Variants in SRBD1 observed in about 807,000 individuals in gnomAD.
SRBD1 encodes the protein S1 RNA-binding domain-containing protein 1.
In SRBD1, 88 loss-of-function variants were observed where a neutral mutation model predicts 115.3. That is an observed-to-expected ratio of 0.76 (90% CI 0.64 to 0.91). SRBD1 has a LOEUF of 0.91. Ranked by LOEUF, SRBD1 falls within the 40% of genes least tolerant of loss-of-function variation. The pLI is 0.00. For synonymous variants in SRBD1, 509 were observed against 407.7 expected (o/e 1.25, Z -2.99); for missense variants, 1,385 against 1,177.4 (o/e 1.18, Z -2.58).
intron 3 of SRBD1, among the ~76,000 whole-genome samples, chr2:45,600,238 T>C (rs1674050776): frequency 6.6e-6 from 1 of 152,126 alleles, no homozygotes; most frequent in Non-Finnish European, 1.5e-5. Context: ...GAAATCTAAA[T>C]AAGATCAGTG....
intron 3 of SRBD1, among the ~76,000 whole-genome samples, chr2:45,600,672 G>C (rs960480654): frequency 6.6e-6 from 1 of 152,246 alleles, no homozygotes; most frequent in South Asian, 2.1e-4. Context: ...CCCAATCCAA[G>C]TGACAGCTCA....
At chr2:45,428,910 AAAG>A (rs1668243808) in intron 16 of SRBD1, among the ~76,000 whole-genome samples, 2 of 152,110 alleles carry the variant, frequency 1.3e-5, no homozygotes, top group Admixed American at 6.5e-5. Context: ...GACTGCTAAT[AAAG>A]AAGAACAGAG....
chr2:45,594,918 T>C (rs1458918760), intron 4 of SRBD1, among the ~76,000 whole-genome samples: 1 of 152,250 alleles, frequency 6.6e-6, no homozygotes, highest in East Asian at 1.9e-4. Flanking sequence ...ACAAAAAGAC[T>C]GAAGTAACTT....
At chr2:45,590,358 G>C (rs1242990289) in intron 4 of SRBD1, among the ~76,000 whole-genome samples, 2 of 152,124 alleles carry the variant, frequency 1.3e-5, no homozygotes, top group African/African-American at 4.8e-5. Flanking sequence ...TTCCTGCCTG[G>C]GGACTAGACT....
chr2:45,482,826 G>A (rs1425377937), intron 15 of SRBD1, among the ~76,000 whole-genome samples: 2 of 151,922 alleles, frequency 1.3e-5, no homozygotes, highest in Non-Finnish European at 2.9e-5. Context: ...TATATAAAAT[G>A]GAGTACCATT....
chr2:45,456,473 T>A (rs1282285907), intron 16 of SRBD1, among the ~76,000 whole-genome samples: 1 of 151,908 alleles, frequency 6.6e-6, no homozygotes, highest in Non-Finnish European at 1.5e-5. Flanking sequence ...TGTCAAATGT[T>A]TATTCAGAAT....
intron 4 of SRBD1, among the ~76,000 whole-genome samples, chr2:45,596,266 A>C (rs1673891290): frequency 6.6e-6 from 1 of 152,116 alleles, no homozygotes; most frequent in East Asian, 1.9e-4. Context: ...GTCCCTCCTC[A>C]TTCTATTCAG....
At chr2:45,430,928 G>A (rs950665264) in intron 16 of SRBD1, among the ~76,000 whole-genome samples, 4 of 151,988 alleles carry the variant, frequency 2.6e-5, no homozygotes, top group Admixed American at 1.3e-4. Context: ...AATCTACAAC[G>A]AACTTAAACA....
chr2:45,461,150 T>C (rs1236147681), intron 16 of SRBD1, among the ~76,000 whole-genome samples: 1 of 152,172 alleles, frequency 6.6e-6, no homozygotes, highest in Non-Finnish European at 1.5e-5. Flanking sequence ...GACACAATTT[T>C]TAGAGTAAAT....
intron 7 of SRBD1, among the ~76,000 whole-genome samples, chr2:45,576,964 A>T (rs1673197813): frequency 6.6e-6 from 1 of 152,188 alleles, no homozygotes; most frequent in African/African-American, 2.4e-5. Context: ...GCGCTAGAGA[A>T]ATGTTGTAAA....
At chr2:45,453,233 A>G (rs1669048728) in intron 16 of SRBD1, among the ~76,000 whole-genome samples, 1 of 150,528 alleles carries the variant, frequency 6.6e-6, no homozygotes, top group Non-Finnish European at 1.5e-5. Flanking sequence ...CGAGCTTTGT[A>G]TATATACTTT....
At chr2:45,506,244 T>C (rs551548259) in intron 14 of SRBD1, among the ~76,000 whole-genome samples, 93 of 152,138 alleles carry the variant, frequency 6.1e-4, no homozygotes, top group South Asian at 1.5e-3. Context: ...AAAAAGCAAA[T>C]TTGTTCTCAT....
In SRBD1 at chr2:45,477,007, C is replaced by T. The variant is rs202163435; in HGVS notation, c.2035G>A (p.Val679Ile). Residue 679 changes from valine to isoleucine, a missense_variant, in exon 16 of 21, where the codon GTT becomes ATT. Val to Ile is a conservative substitution (Grantham distance 29, BLOSUM62 3). Coordinates refer to ENST00000263736, the MANE Select transcript of SRBD1 (RefSeq NM_018079.5). The part of the protein sequence containing the change: ...LVKIEPKHIG[V>I]GMYQHDVSQT... ...CATAGCTTTACCTGATACATTCCAA[C>T]TCCAATGTGCTTTGGCTCAATTTTC... 1.2e-6 allele frequency: 2 copies of T among 1,613,696 alleles called. No individual in the cohort carries two copies. The highest frequency in any genetic ancestry group is 1.7e-6 in the Non-Finnish European group (2 of 1,179,826).
In SRBD1 at chr2:45,574,626, C is replaced by T; in HGVS notation, c.1169+1G>A. ...GAAAACTCCATAAAAGAGATACTCA[C>T]AAGTTCCGAATGAAGTCAAGCGTGT... On this transcript the variant is annotated splice_donor_variant, in intron 8 of 20. Coordinates refer to ENST00000263736, the MANE Select transcript of SRBD1 (RefSeq NM_018079.5). LOFTEE classifies it high-confidence loss of function. The T allele has an allele frequency of 6.2e-7, 1 of 1,612,638 alleles. No individual in the cohort carries two copies. The highest frequency in any genetic ancestry group is 8.5e-7 in the Non-Finnish European group (1 of 1,179,364).
At chr2:45,434,776 T>TC (rs1364933319) in intron 16 of SRBD1, among the ~76,000 whole-genome samples, 1 of 152,098 alleles carries the variant, frequency 6.6e-6, no homozygotes, top group African/African-American at 2.4e-5. Context: ...TTTTTCTTTT[T>TC]TTTTTTAATT....
chr2:45,525,534 T>A (rs140554100), intron 14 of SRBD1, among the ~76,000 whole-genome samples: 294 of 152,126 alleles, frequency 1.9e-3, no homozygotes, highest in African/African-American at 6.7e-3. Flanking sequence ...ATGGTGACTA[T>A]AGTTAATAAC....
chr2:45,495,377 T>C (rs1300282116), intron 14 of SRBD1, among the ~76,000 whole-genome samples: 1 of 152,192 alleles, frequency 6.6e-6, no homozygotes, highest in East Asian at 1.9e-4. Flanking sequence ...TGTTTCCTAT[T>C]TGTAGATTAA....
At chr2:45,562,498 C>G (rs191064830) in intron 10 of SRBD1, among the ~76,000 whole-genome samples, 155 bp downstream of exon 10, 2 of 152,214 alleles carry the variant, frequency 1.3e-5, no homozygotes, top group African/African-American at 4.8e-5. Flanking sequence ...TCCGAAAGTG[C>G]TGGGATTACA....
Position 45,432,941 on chromosome 2 carries a change from T to C in SRBD1, c.2050-13047A>G, listed in dbSNP as rs575304042. ...CAAACTGCTGTGTTTTATTTTGCCC[T>C]GAAGGACGAAAAGTATCTAACAACT... is the stretch of plus-strand genomic sequence containing the variant. On this transcript the variant is annotated intron_variant, in intron 16 of 20. Transcript: ENST00000263736. Among the ~76,000 whole-genome samples the C allele has an allele frequency of 2.6e-5, 4 of 152,326 alleles. No homozygotes were observed. In the East Asian group the frequency reaches 5.8e-4, roughly 22 times the overall value.
Sources: gnomAD v4.1 joint callset for allele counts (sites outside exome capture counted in the v4.1 genomes callset) on GRCh38, gnomAD v4.1.1 for gene constraint, MANE v1.5 for transcripts, NCBI Gene and HGNC (gene_info 2026-07-23, HGNC 2026-07-21) for gene names.